Variants in CHODL observed in about 807,000 individuals in gnomAD.
CHODL encodes chondrolectin.
CHODL carries 29 observed loss-of-function variants against 34.5 expected under a neutral mutation model. That is an observed-to-expected ratio of 0.84 (90% CI 0.63 to 1.15). The LOEUF (loss-of-function observed/expected upper bound fraction) is 1.15, where lower values mean the gene tolerates loss of function less well. Among genes scored for constraint, CHODL ranks in the 50% most tolerant of loss-of-function variants. The pLI, the probability that CHODL is intolerant of heterozygous loss-of-function variation, is 0.00. For synonymous variants in CHODL, 125 were observed against 116.1 expected, an observed-to-expected ratio of 1.08 and a Z score of -0.49; for missense variants, 332 against 332.5, an observed-to-expected ratio of 1.00 and a Z score of 0.01.
At chr21:18,083,967 A>C (rs191100072) in intron 2 of CHODL, among the ~76,000 whole-genome samples, 1 of 152,204 alleles carries the variant, frequency 6.6e-6, no homozygotes, top group Admixed American at 6.5e-5. Flanking sequence ...TGAGAAGAAC[A>C]TGAGATTTGG....
chr21:18,144,660 G>A (rs921746417), intron 2 of CHODL, among the ~76,000 whole-genome samples: 1 of 151,908 alleles, frequency 6.6e-6, no homozygotes, highest in African/African-American at 2.4e-5. Flanking sequence ...ATTGCATCAG[G>A]TTATATTGTT....
At chr21:18,040,227 A>T (rs2064358710) in intron 2 of CHODL, among the ~76,000 whole-genome samples, 1 of 151,878 alleles carries the variant, frequency 6.6e-6, no homozygotes, top group Non-Finnish European at 1.5e-5. Context: ...CTTTATGTCC[A>T]CTACATGTGG....
intron 2 of CHODL, among the ~76,000 whole-genome samples, chr21:18,154,704 G>C (rs2073012076): frequency 6.6e-6 from 1 of 152,172 alleles, no homozygotes; most frequent in Admixed American, 6.5e-5. Context: ...AAATCTTGGG[G>C]AAGCAGCATC....
intron 1 of CHODL, among the ~76,000 whole-genome samples, chr21:17,950,497 A>AACAC (rs200120318): frequency 0.052 from 6,819 of 130,244 alleles, 270 homozygotes; most frequent in African/African-American, 0.12. Context: ...CTAGATACAC[A>AACAC]ACACACACAC....
rs139006697 is a variant in CHODL at position 17,982,045 on chromosome 21, G to A, written c.-144-45827G>A. Among the ~76,000 whole-genome samples the A allele has an allele frequency of 5.8e-3, 876 of 152,300 alleles. 8 individuals carry two copies. The highest frequency in any genetic ancestry group is 0.014 in the African/African-American group (583 of 41,558). ...ATTACTACATCCTAGGATTGTTGGTGTAAAAGTAGTTTTCACTGTTTTTAG... is the reference window on the plus strand; with the variant it reads ...ATTACTACATCCTAGGATTGTTGGTATAAAAGTAGTTTTCACTGTTTTTAG... On this transcript the variant is annotated intron_variant, in intron 1 of 6. Coordinates refer to the CHODL transcript ENST00000400127.
At chr21:18,164,635 G>A (rs1308977823) in intron 2 of CHODL, among the ~76,000 whole-genome samples, 1 of 152,142 alleles carries the variant, frequency 6.6e-6, no homozygotes, top group Non-Finnish European at 1.5e-5. Flanking sequence ...AGGATTAAAC[G>A]AGAAATATCC....
At chr21:18,033,987 GAATCTGA>G (rs1190656110) in intron 2 of CHODL, among the ~76,000 whole-genome samples, 4 of 151,980 alleles carry the variant, frequency 2.6e-5, no homozygotes, top group African/African-American at 4.8e-5. Flanking sequence ...CGTGATTTCA[GAATCTGA>G]AAGGAATTTC....
At chr21:18,001,927 A>G (rs567533369) in intron 1 of CHODL, among the ~76,000 whole-genome samples, 1 of 152,250 alleles carries the variant, frequency 6.6e-6, no homozygotes, top group African/African-American at 2.4e-5. Flanking sequence ...GTGTAGAATA[A>G]TAAATCAATG....
intron 2 of CHODL, among the ~76,000 whole-genome samples, chr21:18,170,097 A>G (rs1432830451): frequency 6.6e-6 from 1 of 151,412 alleles, no homozygotes; most frequent in Non-Finnish European, 1.5e-5. Flanking sequence ...AATTTCTTGC[A>G]TTTTGGGGCT....
intron 1 of CHODL, among the ~76,000 whole-genome samples, chr21:18,015,033 C>G (rs540723490): frequency 6.6e-6 from 1 of 152,268 alleles, no homozygotes; most frequent in East Asian, 1.9e-4. Context: ...AAGTTTGAAA[C>G]TTCTTAGAGA....
chr21:18,128,725 A>G (rs796333194), intron 2 of CHODL, among the ~76,000 whole-genome samples: 1 of 152,106 alleles, frequency 6.6e-6, no homozygotes, highest in African/African-American at 2.4e-5. Flanking sequence ...CTATGTCTTA[A>G]TCTGTTTTTT....
chr21:18,061,146 G>C (rs2064659324), intron 2 of CHODL, among the ~76,000 whole-genome samples: 1 of 152,204 alleles, frequency 6.6e-6, no homozygotes, highest in Non-Finnish European at 1.5e-5. Context: ...GGAAGCTGCA[G>C]GAATGGACTG....
intron 2 of CHODL, among the ~76,000 whole-genome samples, chr21:18,044,336 T>C (rs1029829045): frequency 6.6e-6 from 1 of 152,020 alleles, no homozygotes; most frequent in Admixed American, 6.6e-5. Context: ...GTGAAGTTCA[T>C]GCTAATAATT....
Position 17,980,211 on chromosome 21 carries a change from C to T in CHODL, c.-144-47661C>T, listed in dbSNP as rs1210036931. Among the ~76,000 whole-genome samples the T allele has an allele frequency of 3.3e-5, 5 of 152,040 alleles. No homozygotes were observed. In the South Asian group the frequency reaches 6.2e-4, roughly 19 times the overall value. On this transcript the variant is annotated intron_variant, in intron 1 of 6. Coordinates refer to the CHODL transcript ENST00000400127. ...AATGTTGAAATGGATCCAGTTTCTC[C>T]CTAAGCATGTCCTCAGAGCTTTTGG...
At chr21:18,160,123 A>G (rs943350375) in intron 2 of CHODL, among the ~76,000 whole-genome samples, 2 of 152,200 alleles carry the variant, frequency 1.3e-5, no homozygotes, top group African/African-American at 4.8e-5. Context: ...AATCCTTTCA[A>G]CAATCTTAGA....
intron 1 of CHODL, among the ~76,000 whole-genome samples, chr21:17,986,536 T>C (rs2063755218): frequency 6.6e-6 from 1 of 152,220 alleles, no homozygotes; most frequent in Non-Finnish European, 1.5e-5. Flanking sequence ...AGCATATACA[T>C]GCCACCCTTT....
At chr21:18,112,150 G>A (rs1050965107) in intron 2 of CHODL, among the ~76,000 whole-genome samples, 1 of 152,090 alleles carries the variant, frequency 6.6e-6, no homozygotes, top group Non-Finnish European at 1.5e-5. Flanking sequence ...TGCTAGTCGA[G>A]GTATGTGTAA....
At chr21:18,243,889 A>G (rs996547713), upstream of CHODL, among the ~76,000 whole-genome samples, 18 of 152,234 alleles carry the variant, frequency 1.2e-4, no homozygotes, top group Admixed American at 7.9e-4. Context: ...TAAGACAAGT[A>G]ATGTTATTTA....
chr21:18,013,726 C>G (rs1438205834), intron 1 of CHODL, among the ~76,000 whole-genome samples: 3 of 141,986 alleles, frequency 2.1e-5, no homozygotes, highest in Admixed American at 7.4e-5. Context: ...CCTCTGCCGC[C>G]TGGGTTCAAG....
Sources: gnomAD v4.1 joint callset for allele counts (sites outside exome capture counted in the v4.1 genomes callset) on GRCh38, gnomAD v4.1.1 for gene constraint, MANE v1.5 for transcripts, NCBI Gene and HGNC (gene_info 2026-07-23, HGNC 2026-07-21) for gene names.